NRP2: variants seen among roughly 807,000 people sequenced by gnomAD.
NRP2 encodes neuropilin-2.
In NRP2, 52 loss-of-function variants were observed where a neutral mutation model predicts 110.4. The ratio of observed to expected loss-of-function variants is 0.47; its 90% CI spans 0.38 to 0.59. The LOEUF (loss-of-function observed/expected upper bound fraction) is 0.59. Among genes scored for constraint, NRP2 ranks in the 20% least tolerant of loss-of-function variants. NRP2 has a pLI of 0.00. For missense variants in NRP2, 1,049 were observed against 1,203.0 expected (o/e 0.87, Z 1.89); for synonymous variants, 508 against 468.9 (o/e 1.08, Z -1.08).
At chr2:205,776,576 T>A (rs1291983747) in intron 15 of NRP2, 1 of 1,599,818 alleles carries the variant, frequency 6.3e-7, no homozygotes, top group Admixed American at 1.7e-5. Context: ...ACTGCAAACA[T>A]GTTGCCTCGA....
chr2:205,712,672 C>T (rs2056821134), intron 2 of NRP2, among the ~76,000 whole-genome samples: 1 of 152,144 alleles, frequency 6.6e-6, no homozygotes, highest in South Asian at 2.1e-4. Flanking sequence ...ATGAGACATT[C>T]TGTATGAAGT....
chr2:205,776,188 C>T, intron 15 of NRP2: 1 of 1,498,290 alleles, frequency 6.7e-7, no homozygotes, highest in Non-Finnish European at 9.2e-7. Context: ...TTAAATTAGT[C>T]TTTTGATTAG....
At chr2:205,738,932 G>T (rs1271827458) in intron 7 of NRP2, among the ~76,000 whole-genome samples, 4 of 152,126 alleles carry the variant, frequency 2.6e-5, no homozygotes, top group Admixed American at 2.6e-4. Context: ...CAAAAGGTAT[G>T]GTGTCTTCAG....
chr2:205,776,201 T>G, intron 15 of NRP2: 1 of 1,543,142 alleles, frequency 6.5e-7, no homozygotes, highest in East Asian at 2.2e-5. Flanking sequence ...TTGATTAGTC[T>G]GCATGCTCTC....
At position 205,795,290 on chromosome 2, in the gene NRP2, C is replaced by G. The variant is rs1301710178; in HGVS notation, c.*232C>G. On this transcript the variant is annotated 3_prime_UTR_variant, in exon 17 of 17. Transcript: ENST00000357785. ...TGGCTAAGTCATTGCAGGAACGGGG[C>G]TGTGTTCTCTGCTGGGACAAAACAG... is the stretch of plus-strand genomic sequence containing the variant. The G allele has an allele frequency of 2.3e-5, 12 of 514,116 alleles. No individual in the cohort carries two copies. Among genetic ancestry groups the G allele is most frequent in the Non-Finnish European group, 4.3e-5 (12 of 281,660 alleles). 31.8% of individuals were successfully genotyped at this position (514,116 alleles called of 1,614,324 possible).
At chr2:205,762,757 G>A (rs1229406670) in intron 12 of NRP2, among the ~76,000 whole-genome samples, 1 of 152,128 alleles carries the variant, frequency 6.6e-6, no homozygotes, top group East Asian at 1.9e-4. Flanking sequence ...TGTACAAGTT[G>A]GATTTGAAGG....
chr2:205,757,608 G>A (rs1268539197), intron 12 of NRP2, among the ~76,000 whole-genome samples: 4 of 152,168 alleles, frequency 2.6e-5, no homozygotes, highest in African/African-American at 9.7e-5. Context: ...AGGTGGGACC[G>A]ATGGCAGCAA....
intron 15 of NRP2, chr2:205,776,531 C>A (rs2058103669): frequency 1.9e-6 from 3 of 1,603,236 alleles, no homozygotes; most frequent in Non-Finnish European, 2.5e-6. Flanking sequence ...TGCTGAGGGC[C>A]GAAGCAAGAA....
At chr2:205,739,681 A>C (rs1025393889) in intron 7 of NRP2, among the ~76,000 whole-genome samples, 1 of 121,216 alleles carries the variant, frequency 8.2e-6, no homozygotes, top group East Asian at 2.7e-4. Context: ...TGCTCTAGTT[A>C]CTTTTTTTTT....
intron 16 of NRP2, among the ~76,000 whole-genome samples, chr2:205,792,646 G>A (rs1338175841): frequency 1.3e-5 from 2 of 152,202 alleles, no homozygotes; most frequent in Non-Finnish European, 2.9e-5. Flanking sequence ...CTGAGTGAAT[G>A]AGCATAATGT....
At position 205,727,926 on chromosome 2, in the gene NRP2, C is replaced by G. The variant is rs762265271; in HGVS notation, c.1026C>G (p.Ile342Met). Reference protein sequence around the residue: ...DLRFLTMLTAIATQGAISRET... With the variant: ...DLRFLTMLTAMATQGAISRET... ...GCTTTTTAACCATGCTCACGGCCAT[C>G]GCAACACAGGGAGCGATTTCCAGGG... Residue 342 changes from isoleucine (I) to methionine (M), a missense_variant, in exon 7 of 17, where the codon ATC becomes ATG. Physicochemically the swap from Ile to Met is conservative, Grantham distance 10. Coordinates refer to ENST00000357785, the MANE Select transcript of NRP2 (RefSeq NM_003872.3). 6.2e-7 allele frequency: 1 copy of G among 1,613,880 alleles called. No homozygotes were observed. The highest frequency in any genetic ancestry group is 1.3e-5 in the African/African-American group (1 of 74,912).
intron 15 of NRP2, chr2:205,776,992 G>T: frequency 1.9e-6 from 2 of 1,053,494 alleles, no homozygotes; most frequent in African/African-American, 3.3e-5. Flanking sequence ...GTGTGAGAGA[G>T]CGGCTGGTTC....
rs150864957 is a variant in NRP2 at position 205,689,807 on chromosome 2, C to T, written c.73+6444C>T. On this transcript the variant is annotated intron_variant, in intron 1 of 16. Coordinates refer to ENST00000357785, the MANE Select transcript of NRP2 (RefSeq NM_003872.3). ...TCAGCAGGGAACACCGTGTTTAAGG[C>T]GCTCTCCCGAATGTGTAATAACTTC... 5.0e-3 allele frequency among the ~76,000 whole-genome samples: 763 copies of T among 152,286 alleles called. 2 individuals are homozygous for T. Among genetic ancestry groups the T allele is most frequent in the Non-Finnish European group, 7.9e-3 (535 of 68,020 alleles).
chr2:205,764,091 A>G, intron 13 of NRP2, 155 bp downstream of exon 13: 3 of 944,786 alleles, frequency 3.2e-6, no homozygotes, highest in Non-Finnish European at 4.7e-6. Flanking sequence ...TGTTATTCAG[A>G]ATATGCCTAT....
intron 8 of NRP2, among the ~76,000 whole-genome samples, chr2:205,742,072 T>A (rs113436318): frequency 0.015 from 2,268 of 152,362 alleles, 45 homozygotes; most frequent in South Asian, 0.052. Context: ...TCCCTGTTGC[T>A]GTTCCAGGAT....
intron 8 of NRP2, among the ~76,000 whole-genome samples, chr2:205,741,330 T>C (rs1267761528): frequency 6.6e-6 from 1 of 152,066 alleles, no homozygotes; most frequent in Non-Finnish European, 1.5e-5. Flanking sequence ...GAGGTGATGA[T>C]TGAGGTGAGG....
At chr2:205,791,841 C>T (rs957604762) in intron 15 of NRP2, among the ~76,000 whole-genome samples, 2 of 152,202 alleles carry the variant, frequency 1.3e-5, no homozygotes, top group African/African-American at 4.8e-5. Context: ...CACTGAGATG[C>T]GTGCCTATGA....
rs2056049009 is a variant in NRP2 at position 205,682,990 on chromosome 2, G to A, written c.-301G>A. 8.0e-6 allele frequency: 3 copies of A among 376,598 alleles called. No individual in the cohort carries two copies. In the East Asian group the frequency reaches 1.7e-4, roughly 21 times the overall value. 23.3% of individuals were successfully genotyped at this position (376,598 alleles called of 1,614,324 possible). ...TACTCGTGATATTTGTAGGATAAAG[G>A]AAATGACACTTTGAGGAACTGGAGA... is the stretch of plus-strand genomic sequence containing the variant. On this transcript the variant is annotated 5_prime_UTR_variant, in exon 1 of 17. Transcript: ENST00000357785. This position sits in a 1 kb window ranked among gnomAD's most constrained non-coding sequence, Gnocchi z 4.3.
rs1434772251 is a variant in NRP2 at position 205,716,215 on chromosome 2, G to A, written c.274G>A (p.Asp92Asn). ...CAGGTATGACTTTATCGAGATTCGG[G>A]ATGGGGACAGTGAATCCGCAGACCT... is the stretch of plus-strand genomic sequence containing the variant. Reference protein sequence around the residue: ...DCKYDFIEIRDGDSESADLLG... With the variant: ...DCKYDFIEIRNGDSESADLLG... Residue 92 changes from aspartate (D) to asparagine (N), a missense_variant, in exon 3 of 17, where the codon GAT (aspartate) becomes AAT (asparagine). Transcript: ENST00000357785. The A allele has an allele frequency of 6.2e-7, 1 of 1,614,068 alleles. No homozygotes were observed. The highest frequency in any genetic ancestry group is 1.3e-5 in the African/African-American group (1 of 74,906).
Sources: allele counts gnomAD v4.1 joint callset (sites outside exome capture counted in the v4.1 genomes callset), GRCh38; gene constraint gnomAD v4.1.1; non-coding constraint Gnocchi (gnomAD v3.1); transcripts MANE v1.5; gene names NCBI Gene and HGNC (gene_info 2026-07-23, HGNC 2026-07-21).